MAST4: variants seen among roughly 807,000 people sequenced by gnomAD.
MAST4 encodes the protein microtubule associated serine/threonine kinase family member 4.
A neutral mutation model predicts 162.7 loss-of-function variants in MAST4; 89 were observed. The ratio of observed to expected loss-of-function variants is 0.55; its 90% CI spans 0.46 to 0.65. The LOEUF is 0.65. Among genes scored for constraint, MAST4 ranks in the 30% least tolerant of loss-of-function variants. The pLI is 0.00. For missense variants in MAST4, 3,153 were observed against 3,374.0 expected (o/e 0.93, Z 1.62); for synonymous variants, 1,479 against 1,361.1 (o/e 1.09, Z -1.91).
intron 4 of MAST4, among the ~76,000 whole-genome samples, chr5:66,946,676 T>C (rs1240559395): frequency 6.6e-6 from 1 of 152,254 alleles, no homozygotes; most frequent in East Asian, 1.9e-4. Context: ...GTTCCAGGTG[T>C]ATTGGAAATT....
intron 1 of MAST4, among the ~76,000 whole-genome samples, chr5:66,605,405 C>G (rs1429859761): frequency 6.6e-6 from 1 of 152,174 alleles, no homozygotes. Context: ...TCTTAGCAGA[C>G]TGGTAAGTAG....
At chr5:66,773,048 TCATCTCTTG>T in intron 2 of MAST4, among the ~76,000 whole-genome samples, 1 of 152,190 alleles carries the variant, frequency 6.6e-6, no homozygotes, top group East Asian at 1.9e-4. Context: ...CCCAGGCCAT[TCATCTCTTG>T]CTTACAGCTC....
At chr5:66,908,391 A>C (rs963598870) in intron 4 of MAST4, among the ~76,000 whole-genome samples, 1 of 152,176 alleles carries the variant, frequency 6.6e-6, no homozygotes, top group African/African-American at 2.4e-5. Flanking sequence ...GTGCATTGCC[A>C]AACACCCTTG....
chr5:66,958,363 T>C (rs1341666445), intron 4 of MAST4, among the ~76,000 whole-genome samples: 1 of 152,224 alleles, frequency 6.6e-6, no homozygotes, highest in Non-Finnish European at 1.5e-5. Flanking sequence ...TTCCAAGTTA[T>C]GAATGCTGTG....
rs1773609903 is a variant in MAST4, at chr5:67,164,372, G to T, written c.5193G>T (p.Glu1731Asp). 6.2e-7 allele frequency: 1 copy of T among 1,613,946 alleles called. No homozygotes were observed. The highest frequency in any genetic ancestry group is 8.5e-7 in the Non-Finnish European group (1 of 1,179,868). Residue 1731 changes from glutamate (E) to aspartate (D), a missense_variant, in exon 29 of 29, where the codon GAG (glutamate) becomes GAT (aspartate). Transcript: ENST00000403625. The surrounding 1 kb of genome is among the most constrained non-coding windows in gnomAD (Gnocchi z 5.3). ...TCCGACCCACGGGTGGGCAGCAGGA[G>T]CCCCCGCCGGCTTCTGAGAGCCGAG... Reference protein sequence around the residue: ...NPVRPTGGQQEPPPASESRAF... With the variant: ...NPVRPTGGQQDPPPASESRAF...
chr5:66,636,759 C>T (rs1314999363), intron 1 of MAST4, among the ~76,000 whole-genome samples: 1 of 152,124 alleles, frequency 6.6e-6, no homozygotes, highest in Non-Finnish European at 1.5e-5. Flanking sequence ...AAGAGAATGT[C>T]GTGCTACCTC....
At chr5:66,911,951 G>A (rs145161410) in intron 4 of MAST4, among the ~76,000 whole-genome samples, 21 of 152,278 alleles carry the variant, frequency 1.4e-4, no homozygotes, top group South Asian at 8.3e-4. Context: ...TAACTTTAGC[G>A]TCGAGTGCCT....
chr5:66,674,421 G>A (rs978246891), intron 1 of MAST4, among the ~76,000 whole-genome samples: 16 of 152,118 alleles, frequency 1.1e-4, no homozygotes, highest in Non-Finnish European at 1.5e-5. Flanking sequence ...TTGGAGTTCT[G>A]GATCCATTAC....
At chr5:66,788,943 T>G in intron 3 of MAST4, 149 bp downstream of exon 3, 1 of 1,108,876 alleles carries the variant, frequency 9.0e-7, no homozygotes, top group Non-Finnish European at 1.2e-6. Flanking sequence ...GCTTTCAATG[T>G]GCTAATTTCT....
chr5:66,804,702 G>T (rs1756097218), intron 3 of MAST4, among the ~76,000 whole-genome samples: 1 of 152,172 alleles, frequency 6.6e-6, no homozygotes, highest in South Asian at 2.1e-4. Context: ...CTCATCTCTG[G>T]AAGGGTTTAA....
intron 3 of MAST4, among the ~76,000 whole-genome samples, chr5:66,825,724 A>G (rs551386698): frequency 2.6e-5 from 4 of 152,194 alleles, no homozygotes; most frequent in African/African-American, 9.7e-5. Context: ...AATTATGCCT[A>G]TAATAGAGTG....
intron 5 of MAST4, among the ~76,000 whole-genome samples, chr5:67,089,425 G>C (rs1193344402): frequency 6.6e-6 from 1 of 152,202 alleles, no homozygotes. Flanking sequence ...CACCCCTGAA[G>C]GCCTGGGGAA....
At chr5:66,862,774 A>T (rs971893561) in intron 3 of MAST4, among the ~76,000 whole-genome samples, 1 of 152,216 alleles carries the variant, frequency 6.6e-6, no homozygotes, top group African/African-American at 2.4e-5. Context: ...ACTAGCTTTC[A>T]GGCAGGGTCT....
At chr5:67,058,940 A>G (rs1249996585) in intron 5 of MAST4, among the ~76,000 whole-genome samples, 1 of 152,248 alleles carries the variant, frequency 6.6e-6, no homozygotes, top group African/African-American at 2.4e-5. Flanking sequence ...TTTAAACAAC[A>G]TGCATTTATT....
At chr5:66,625,529 A>G (rs1744367904) in intron 1 of MAST4, among the ~76,000 whole-genome samples, 1 of 152,232 alleles carries the variant, frequency 6.6e-6, no homozygotes, top group African/African-American at 2.4e-5. Flanking sequence ...CGGGCAAAGT[A>G]CCTAAATAGG....
intron 4 of MAST4, among the ~76,000 whole-genome samples, chr5:66,977,026 G>A (rs1407680565): frequency 6.6e-6 from 1 of 152,122 alleles, no homozygotes; most frequent in Non-Finnish European, 1.5e-5. Flanking sequence ...AGATCTCTGT[G>A]GCATTGGGGT....
At chr5:66,685,860 G>T in intron 1 of MAST4, among the ~76,000 whole-genome samples, 1 of 152,174 alleles carries the variant, frequency 6.6e-6, no homozygotes, top group East Asian at 1.9e-4. Flanking sequence ...GTGGAAGACA[G>T]TTTTTCCATA....
intron 1 of MAST4, among the ~76,000 whole-genome samples, chr5:66,655,985 T>G (rs955543599): frequency 6.6e-6 from 1 of 152,202 alleles, no homozygotes; most frequent in African/African-American, 2.4e-5. Context: ...CCTTAGAAAT[T>G]TAATGGCTTT....
intron 4 of MAST4, among the ~76,000 whole-genome samples, chr5:67,009,980 G>A (rs986687917): frequency 6.6e-6 from 1 of 152,098 alleles, no homozygotes; most frequent in Admixed American, 6.5e-5. Flanking sequence ...ATGGCCCTGG[G>A]GTTTTTGACT....
Sources: gnomAD v4.1 joint callset for allele counts (sites outside exome capture counted in the v4.1 genomes callset) on GRCh38, gnomAD v4.1.1 for gene constraint, Gnocchi (gnomAD v3.1) non-coding constraint, MANE v1.5 for transcripts, NCBI Gene and HGNC (gene_info 2026-07-23, HGNC 2026-07-21) for gene names.